SEMA3E: variants seen among roughly 807,000 people sequenced by gnomAD.
SEMA3E encodes semaphorin 3E.
Under a neutral mutation model 93.6 loss-of-function variants are expected in SEMA3E, and 49 were observed. The observed-to-expected ratio is 0.52, with a 90% confidence interval of 0.42 to 0.66. The LOEUF (loss-of-function observed/expected upper bound fraction) is 0.66. Ranked by LOEUF, SEMA3E falls within the 30% of genes least tolerant of loss-of-function variation. The probability of loss-of-function intolerance (pLI) is 0.00; values close to 1 mark genes in which losing one functional copy is unlikely to be tolerated. For synonymous variants in SEMA3E, 363 were observed against 330.7 expected (o/e 1.10, Z -1.06); for missense variants, 906 against 964.8 (o/e 0.94, Z 0.81).
intron 15 of SEMA3E, among the ~76,000 whole-genome samples, chr7:83,386,174 G>A (rs1480749893): frequency 1.3e-5 from 2 of 152,176 alleles, no homozygotes; most frequent in East Asian, 3.9e-4. Flanking sequence ...CTAAGATGAA[G>A]GTCCTACTTT....
At chr7:83,522,959 C>T (rs570102302) in intron 1 of SEMA3E, among the ~76,000 whole-genome samples, 10 of 152,124 alleles carry the variant, frequency 6.6e-5, no homozygotes, top group South Asian at 2.1e-4. Flanking sequence ...GGTGAGAATA[C>T]GTTAGGAAGG....
intron 1 of SEMA3E, among the ~76,000 whole-genome samples, chr7:83,523,441 A>C (rs769079693): frequency 6.6e-6 from 1 of 152,072 alleles, no homozygotes; most frequent in Non-Finnish European, 1.5e-5. Context: ...TTAATGGATA[A>C]AATATGGTTT....
At chr7:83,368,147 A>G (rs991757686) in intron 16 of SEMA3E, 109 bp from the exon 17 acceptor site, 2 of 944,416 alleles carry the variant, frequency 2.1e-6, no homozygotes, top group Admixed American at 3.8e-5. Flanking sequence ...CTGTCACATA[A>G]TGAAACCCTG....
chr7:83,445,329 C>A (rs1204536430), intron 4 of SEMA3E, among the ~76,000 whole-genome samples: 3 of 152,082 alleles, frequency 2.0e-5, no homozygotes, highest in Non-Finnish European at 4.4e-5. Context: ...ATAGAGAACT[C>A]TAAAACATTT....
intron 1 of SEMA3E, among the ~76,000 whole-genome samples, chr7:83,515,458 C>T (rs1397561738): frequency 6.6e-6 from 1 of 152,078 alleles, no homozygotes; most frequent in African/African-American, 2.4e-5. Context: ...AACCTGTTGC[C>T]TTCTCATCCA....
At chr7:83,633,873 G>C (rs1022367595) in intron 1 of SEMA3E, among the ~76,000 whole-genome samples, 1 of 152,186 alleles carries the variant, frequency 6.6e-6, no homozygotes, top group African/African-American at 2.4e-5. Context: ...CAGCAGTGCT[G>C]TCATCAACAA....
At chr7:83,406,138 G>T (rs995506006) in intron 7 of SEMA3E, 79 bp from the exon 8 acceptor site, 6 of 1,010,570 alleles carry the variant, frequency 5.9e-6, no homozygotes, top group East Asian at 2.4e-5. Context: ...TAAACATGCA[G>T]TTGCCAAGAG....
intron 1 of SEMA3E, among the ~76,000 whole-genome samples, chr7:83,575,868 T>G (rs1642095305): frequency 6.6e-6 from 1 of 150,554 alleles, no homozygotes. Context: ...TATAATTGCA[T>G]CAAACCTATA....
intron 16 of SEMA3E, among the ~76,000 whole-genome samples, chr7:83,382,100 T>A (rs1787788492): frequency 6.6e-6 from 1 of 152,028 alleles, no homozygotes; most frequent in Non-Finnish European, 1.5e-5. Context: ...ATAAGCAGTT[T>A]TCCATTTGTG....
intron 1 of SEMA3E, among the ~76,000 whole-genome samples, chr7:83,517,742 C>T (rs145925113): frequency 6.6e-6 from 1 of 152,070 alleles, no homozygotes; most frequent in African/African-American, 2.4e-5. Context: ...GGAAAAGTAC[C>T]TCCAGAGATC....
chr7:83,378,244 A>G (rs1215348388), intron 16 of SEMA3E, among the ~76,000 whole-genome samples: 1 of 151,912 alleles, frequency 6.6e-6, no homozygotes, highest in Non-Finnish European at 1.5e-5. Flanking sequence ...CACATAAATG[A>G]ATCATTTTAT....
intron 1 of SEMA3E, among the ~76,000 whole-genome samples, chr7:83,554,257 G>C (rs1417461153): frequency 6.6e-6 from 1 of 151,920 alleles, no homozygotes; most frequent in Non-Finnish European, 1.5e-5. Flanking sequence ...TTAAAAATTG[G>C]TATACAAAAT....
At chr7:83,634,352 C>A (rs115690820) in intron 1 of SEMA3E, among the ~76,000 whole-genome samples, 5 of 152,062 alleles carry the variant, frequency 3.3e-5, no homozygotes, top group African/African-American at 1.2e-4. Flanking sequence ...TCTTGTTTAA[C>A]TTTATTAATT....
chr7:83,417,988 A>T (rs1788589524), intron 5 of SEMA3E, among the ~76,000 whole-genome samples: 1 of 152,200 alleles, frequency 6.6e-6, no homozygotes. Flanking sequence ...AGAGAAAGAT[A>T]CCATAAAGAA....
chr7:83,537,636 T>A (rs896597558), intron 1 of SEMA3E, among the ~76,000 whole-genome samples: 1 of 152,198 alleles, frequency 6.6e-6, no homozygotes, highest in African/African-American at 2.4e-5. Context: ...ACCTTCAATC[T>A]CTAAACAATA....
chr7:83,600,799 G>A (rs1792979606), intron 1 of SEMA3E, among the ~76,000 whole-genome samples: 1 of 152,240 alleles, frequency 6.6e-6, no homozygotes, highest in South Asian at 2.1e-4. Context: ...AGACTAAAAT[G>A]TAAATCCCAA....
intron 1 of SEMA3E, among the ~76,000 whole-genome samples, chr7:83,502,972 A>T (rs565079575): frequency 6.6e-6 from 1 of 151,540 alleles, no homozygotes; most frequent in African/African-American, 2.4e-5. Flanking sequence ...GATTCATAGT[A>T]CCTAATGGAC....
intron 4 of SEMA3E, among the ~76,000 whole-genome samples, chr7:83,429,807 C>G (rs1201983845): frequency 6.6e-6 from 1 of 152,076 alleles, no homozygotes; most frequent in Non-Finnish European, 1.5e-5. Flanking sequence ...AGGGGAATTC[C>G]ATTCGGTTTT....
At chr7:83,458,694 C>A (rs970671325) in intron 4 of SEMA3E, among the ~76,000 whole-genome samples, 1 of 151,690 alleles carries the variant, frequency 6.6e-6, no homozygotes, top group Non-Finnish European at 1.5e-5. Flanking sequence ...AGCTTAGTAG[C>A]ACATTGGAGA....
Sources: allele counts gnomAD v4.1 joint callset (sites outside exome capture counted in the v4.1 genomes callset), GRCh38; gene constraint gnomAD v4.1.1; transcripts MANE v1.5; gene names NCBI Gene and HGNC (gene_info 2026-07-23, HGNC 2026-07-21).